The following CDH13 variants were observed in gnomAD, a reference collection of about 807,000 sequenced individuals.
CDH13 encodes the protein cadherin 13.
In CDH13, 24 loss-of-function variants were observed where a neutral mutation model predicts 63.8. The observed-to-expected ratio is 0.38, with a 90% CI of 0.27 to 0.53. The LOEUF is 0.53. CDH13 is among the 20% of genes least tolerant of loss of function. The probability of loss-of-function intolerance (pLI) is 0.85; values close to 1 mark genes in which losing one functional copy is unlikely to be tolerated. For missense variants in CDH13, 1,049 were observed against 903.1 expected, an observed-to-expected ratio of 1.16 and a Z score of -2.07; for synonymous variants, 503 against 355.3, an observed-to-expected ratio of 1.42 and a Z score of -4.67.
intron 1 of CDH13, among the ~76,000 whole-genome samples, chr16:82,687,586 G>C (rs551557261): frequency 6.6e-6 from 1 of 152,236 alleles, no homozygotes; most frequent in East Asian, 1.9e-4. Flanking sequence ...CAGATGTCGT[G>C]AGACTTATTC....
At chr16:82,728,304 G>C (rs1397974970) in intron 1 of CDH13, among the ~76,000 whole-genome samples, 1 of 152,106 alleles carries the variant, frequency 6.6e-6, no homozygotes, top group African/African-American at 2.4e-5. Flanking sequence ...ACAAGGCCTT[G>C]TTCAGTTTAC....
In CDH13 at chr16:83,217,398, A is replaced by C. The variant is rs1351970719; in HGVS notation, c.537A>C (p.Gly179=). Residue 179 remains glycine (G), a synonymous_variant, in exon 5 of 14, where the codon GGA becomes GGC. Transcript: ENST00000567109. ...CCAAGTTCCGGCTCACTGGAAAGGG[A>C]GTGGATCAAGAGCCTAAAGGAATTT... ...ERSKFRLTGK[G]VDQEPKGIFR... 2 of 1,613,824 alleles carry C rather than the reference A, an allele frequency of 1.2e-6. No homozygotes were observed. Among genetic ancestry groups the C allele is most frequent in the South Asian group, 2.2e-5 (2 of 91,074 alleles).
intron 12 of CDH13, 70 bp from the exon 13 acceptor site, chr16:83,783,184 C>G (rs539706693): frequency 2.9e-6 from 3 of 1,051,272 alleles, no homozygotes; most frequent in Non-Finnish European, 4.3e-6. Context: ...TGACTTTCAT[C>G]ACCAAAACCT....
chr16:83,429,242 G>T lies in CDH13; in HGVS notation c.782-57235G>T, dbSNP rs2072013466. Reference sequence around the variant, plus strand: ...TGACACAGACTGGTATCCCATTTATGACAAGAGTGGCCCATTTTCTAAGAT... The same window carrying T: ...TGACACAGACTGGTATCCCATTTATTACAAGAGTGGCCCATTTTCTAAGAT... On this transcript the variant is annotated intron_variant, in intron 6 of 13. Transcript: ENST00000567109. 5.3e-5 allele frequency among the ~76,000 whole-genome samples: 8 copies of T among 152,138 alleles called. No individual in the cohort carries two copies. In the South Asian group the frequency reaches 1.7e-3, roughly 32 times the overall value.
intron 7 of CDH13, among the ~76,000 whole-genome samples, chr16:83,515,067 C>G (rs2074670232): frequency 6.6e-6 from 1 of 152,136 alleles, no homozygotes; most frequent in South Asian, 2.1e-4. Flanking sequence ...GGGTAGGAAT[C>G]TAGAATCTGG....
At chr16:83,369,115 CT>C (rs950002052) in intron 6 of CDH13, among the ~76,000 whole-genome samples, 7 of 151,218 alleles carry the variant, frequency 4.6e-5, no homozygotes, top group Admixed American at 4.6e-4. Context: ...AGTAGGTCTA[CT>C]TTTAGTTCTT....
chr16:82,796,745 T>C (rs1337402011), intron 1 of CDH13, among the ~76,000 whole-genome samples: 1 of 152,198 alleles, frequency 6.6e-6, no homozygotes, highest in Non-Finnish European at 1.5e-5. Context: ...AATAATGACC[T>C]TTTAGTTGAC....
chr16:83,219,624 C>T (rs976517693), intron 5 of CDH13, among the ~76,000 whole-genome samples: 7 of 152,128 alleles, frequency 4.6e-5, no homozygotes, highest in African/African-American at 1.7e-4. Context: ...AGTGAAAACC[C>T]AAAGGATTCC....
intron 6 of CDH13, among the ~76,000 whole-genome samples, chr16:83,399,194 T>G (rs550842473): frequency 6.6e-6 from 1 of 152,324 alleles, no homozygotes; most frequent in Non-Finnish European, 1.5e-5. Flanking sequence ...TTTTTGGCTA[T>G]GAGAATTTGG....
chr16:82,842,885 C>A (rs934110407), intron 1 of CDH13, among the ~76,000 whole-genome samples: 4 of 152,108 alleles, frequency 2.6e-5, no homozygotes, highest in African/African-American at 9.7e-5. Flanking sequence ...AGATCCGTTA[C>A]ATGTGTGGTT....
chr16:83,408,463 A>G (rs1035503274), intron 6 of CDH13, among the ~76,000 whole-genome samples: 1 of 152,190 alleles, frequency 6.6e-6, no homozygotes, highest in African/African-American at 2.4e-5. Flanking sequence ...ACAAACCTGT[A>G]CGGCTGTTAC....
chr16:82,716,249 C>T (rs140043287), intron 1 of CDH13, among the ~76,000 whole-genome samples: 172 of 152,158 alleles, frequency 1.1e-3, no homozygotes, highest in African/African-American at 4.0e-3. Flanking sequence ...ATTTTCGGGA[C>T]CTTGGAGGAC....
At chr16:83,581,508 T>G (rs1905594933) in intron 7 of CDH13, among the ~76,000 whole-genome samples, 2 of 152,198 alleles carry the variant, frequency 1.3e-5, no homozygotes, top group African/African-American at 4.8e-5. Flanking sequence ...TGAAGTCTTC[T>G]CAGGCCACCC....
chr16:82,682,184 A>C (rs1914621313), intron 1 of CDH13, among the ~76,000 whole-genome samples: 1 of 152,234 alleles, frequency 6.6e-6, no homozygotes, highest in Non-Finnish European at 1.5e-5. Flanking sequence ...CAGGCAAATA[A>C]CTATAATTGG....
chr16:83,479,753 T>A (rs2073710036), intron 6 of CDH13, among the ~76,000 whole-genome samples: 2 of 152,232 alleles, frequency 1.3e-5, no homozygotes, highest in Non-Finnish European at 2.9e-5. Flanking sequence ...TAATATTACT[T>A]CTAAGCAAGA....
intron 1 of CDH13, among the ~76,000 whole-genome samples, chr16:82,702,689 T>C (rs890497731): frequency 3.9e-5 from 6 of 152,194 alleles, no homozygotes; most frequent in South Asian, 4.1e-4. Context: ...ATTCTGACAA[T>C]GTGTAAGCAT....
chr16:82,712,905 C>T lies in CDH13; in HGVS notation c.45+85768C>T, dbSNP rs192739638. Among the ~76,000 whole-genome samples the T allele has an allele frequency of 7.3e-4, 111 of 152,216 alleles. 3 individuals are homozygous for T. The East Asian group carries it at 0.021, about 29-fold the overall frequency. On this transcript the variant is annotated intron_variant, in intron 1 of 13. Coordinates refer to ENST00000567109, the MANE Select transcript of CDH13 (RefSeq NM_001257.5). ...CTCTCATTTTCAGCTTCATGTGGATCAGTGATTACTTGTCCTATCTCCTCT... is the reference window on the plus strand; with the variant it reads ...CTCTCATTTTCAGCTTCATGTGGATTAGTGATTACTTGTCCTATCTCCTCT...
chr16:83,084,798 G>A (rs1001465084), intron 3 of CDH13, among the ~76,000 whole-genome samples: 5 of 152,190 alleles, frequency 3.3e-5, no homozygotes, highest in Non-Finnish European at 7.3e-5. Flanking sequence ...TGAGGCAGGA[G>A]AATCCCTTGA....
intron 1 of CDH13, among the ~76,000 whole-genome samples, chr16:82,670,519 C>A (rs1913114957): frequency 6.6e-6 from 1 of 152,202 alleles, no homozygotes; most frequent in South Asian, 2.1e-4. Context: ...TGACCATGCA[C>A]TACCCAGGTT....
Sources: gnomAD v4.1 joint callset for allele counts (sites outside exome capture counted in the v4.1 genomes callset) on GRCh38, gnomAD v4.1.1 for gene constraint, MANE v1.5 for transcripts, NCBI Gene and HGNC (gene_info 2026-07-23, HGNC 2026-07-21) for gene names.